GOLIM4: variants seen among roughly 807,000 people sequenced by gnomAD.
GOLIM4 encodes 130 kDa golgi-localized phosphoprotein.
In GOLIM4, 71 loss-of-function variants were observed where a neutral mutation model predicts 107.4. The ratio of observed to expected loss-of-function variants is 0.66; its 90% CI spans 0.55 to 0.81. The LOEUF (loss-of-function observed/expected upper bound fraction) is 0.81. Ranked by LOEUF, GOLIM4 falls within the 30% of genes least tolerant of loss-of-function variation. GOLIM4 has a pLI of 0.00. For missense variants in GOLIM4, 830 were observed against 826.1 expected (o/e 1.00, Z -0.06); for synonymous variants, 327 against 294.8 (o/e 1.11, Z -1.12).
chr3:168,012,294 G>A (rs1248161222), intron 14 of GOLIM4, among the ~76,000 whole-genome samples: 2 of 137,932 alleles, frequency 1.4e-5, no homozygotes, highest in East Asian at 1.9e-4. Flanking sequence ...TATCAGCGAT[G>A]GAAGATGAAA....
chr3:168,050,138 A>G (rs1211292208), intron 1 of GOLIM4, among the ~76,000 whole-genome samples: 2 of 152,060 alleles, frequency 1.3e-5, no homozygotes, highest in Non-Finnish European at 2.9e-5. Flanking sequence ...CCCCTGCATT[A>G]TTATTATAAA....
intron 5 of GOLIM4, among the ~76,000 whole-genome samples, chr3:168,042,212 T>C (rs1264215235): frequency 1.3e-5 from 2 of 152,128 alleles, no homozygotes; most frequent in Non-Finnish European, 1.5e-5. Context: ...TTAAAACCAA[T>C]TATCTCACTT....
rs1418827242 is a variant in GOLIM4 at position 168,032,647 on chromosome 3, T to C, written c.1049A>G (p.Gln350Arg). The change falls in exon 9 of 16, where the codon CAG (glutamine) becomes CGG (arginine). Residue 350 changes from glutamine (Q) to arginine (R), a missense_variant. Transcript: ENST00000470487. ...RKALEEEEMEQVGQAEHLEEE... is the reference protein window; with the variant it reads ...RKALEEEEMERVGQAEHLEEE... ...CTCAAGATGTTCTGCTTGCCCGACCTGCTCCATTTCTTCCTCCTCCAGGGC... is the reference window on the plus strand; with the variant it reads ...CTCAAGATGTTCTGCTTGCCCGACCCGCTCCATTTCTTCCTCCTCCAGGGC... 1.2e-6 allele frequency: 2 copies of C among 1,614,068 alleles called. No individual in the cohort carries two copies. The highest frequency in any genetic ancestry group is 4.5e-5 in the East Asian group (2 of 44,870).
chr3:168,018,652 A>G (rs1046514559), intron 14 of GOLIM4, among the ~76,000 whole-genome samples: 3 of 152,292 alleles, frequency 2.0e-5, no homozygotes, highest in Admixed American at 1.3e-4. Flanking sequence ...TCCACAGGAC[A>G]TTGGGATGAA....
chr3:168,032,584 TC>T lies in GOLIM4; in HGVS notation c.1111del (p.Glu371SerfsTer30). 6.2e-7 allele frequency: 1 copy of T among 1,614,042 alleles called. No individual in the cohort carries two copies. Among genetic ancestry groups the T allele is most frequent in the Non-Finnish European group, 8.5e-7 (1 of 1,179,996 alleles). On this transcript the variant is annotated frameshift_variant, in exon 9 of 16. Transcript: ENST00000470487. LOFTEE classifies it high-confidence loss of function. Reference sequence around the variant, plus strand: ...TCGTTGCTCATGCTGCTCTTTCCACTCCCGATCCTGCTCCTCTGGTGATGGA... The same window carrying T: ...TCGTTGCTCATGCTGCTCTTTCCACTCCGATCCTGCTCCTCTGGTGATGGA... The part of the protein sequence containing the change: ...HDPSPEEQDR[E>X]WKEQHEQREA...
Position 168,095,087 on chromosome 3 carries a change from C to G in GOLIM4, c.187+12G>C, listed in dbSNP as rs778000024. 21 of 1,587,684 alleles carry G rather than the reference C, an allele frequency of 1.3e-5. No homozygotes were observed. The highest frequency in any genetic ancestry group is 1.7e-5 in the Non-Finnish European group (20 of 1,160,994). On this transcript the variant is annotated intron_variant, in intron 1 of 15. Coordinates refer to ENST00000470487, the MANE Select transcript of GOLIM4 (RefSeq NM_014498.5). Reference sequence around the variant, plus strand: ...AGTTGGCCACCGGCTGCGCGCGTCCCGTTAGCCGTACCTTGTAACTGGGCG... The same window carrying G: ...AGTTGGCCACCGGCTGCGCGCGTCCGGTTAGCCGTACCTTGTAACTGGGCG...
intron 1 of GOLIM4, among the ~76,000 whole-genome samples, chr3:168,057,803 C>G (rs7653022): frequency 0.17 from 26,525 of 152,146 alleles, 2,530 homozygotes; most frequent in Middle Eastern, 0.23. Context: ...CCCTCACTAC[C>G]ACTTCAGTCT....
intron 1 of GOLIM4, among the ~76,000 whole-genome samples, chr3:168,070,512 C>T (rs989250390): frequency 1.3e-5 from 2 of 152,238 alleles, no homozygotes; most frequent in Admixed American, 6.5e-5. Flanking sequence ...GGTGTTCACA[C>T]TGTGGCATCA....
At chr3:168,037,396 A>G (rs957306087) in intron 7 of GOLIM4, among the ~76,000 whole-genome samples, 3 of 152,172 alleles carry the variant, frequency 2.0e-5, no homozygotes, top group Admixed American at 2.0e-4. Context: ...TATGATCTGA[A>G]TAAAATCTTT....
intron 1 of GOLIM4, among the ~76,000 whole-genome samples, chr3:168,081,711 A>G (rs1317143738): frequency 6.6e-6 from 1 of 152,178 alleles, no homozygotes; most frequent in East Asian, 1.9e-4. Context: ...ACACAGAGTT[A>G]TTACTCTGTA....
chr3:168,067,583 G>C (rs371242414), intron 1 of GOLIM4, among the ~76,000 whole-genome samples: 1 of 149,450 alleles, frequency 6.7e-6, no homozygotes, highest in Non-Finnish European at 1.5e-5. Context: ...ATAGAACGGC[G>C]TATTTTATTC....
At chr3:168,055,817 A>AAG (rs61165982) in intron 1 of GOLIM4, among the ~76,000 whole-genome samples, 1 of 151,384 alleles carries the variant, frequency 6.6e-6, no homozygotes, top group Non-Finnish European at 1.5e-5. Context: ...AAAAAAAAAA[A>AAG]GAGGTGACTC....
intron 14 of GOLIM4, among the ~76,000 whole-genome samples, chr3:168,021,678 AAAAAAC>A (rs1717695115): frequency 6.6e-6 from 1 of 151,210 alleles, no homozygotes; most frequent in Non-Finnish European, 1.5e-5. Context: ...AACAAAAAAC[AAAAAAC>A]AAAAAAAAAA....
At chr3:168,018,648 G>A (rs1717507381) in intron 14 of GOLIM4, among the ~76,000 whole-genome samples, 1 of 152,172 alleles carries the variant, frequency 6.6e-6, no homozygotes. Flanking sequence ...ACATTCCACA[G>A]GACATTGGGA....
chr3:168,031,334 C>T (rs186143128), intron 9 of GOLIM4, among the ~76,000 whole-genome samples: 1 of 152,178 alleles, frequency 6.6e-6, no homozygotes, highest in East Asian at 1.9e-4. Flanking sequence ...AATTTGAATG[C>T]TCCCAAAATA....
intron 1 of GOLIM4, among the ~76,000 whole-genome samples, chr3:168,076,396 T>G (rs189868219): frequency 6.6e-6 from 1 of 152,132 alleles, no homozygotes; most frequent in Non-Finnish European, 1.5e-5. Context: ...AATTAGTACC[T>G]AAAAAAATAA....
intron 1 of GOLIM4, among the ~76,000 whole-genome samples, chr3:168,069,976 T>G (rs1432615265): frequency 6.6e-6 from 1 of 152,078 alleles, no homozygotes; most frequent in African/African-American, 2.4e-5. Context: ...TACTCTAACT[T>G]GTTTTCCTAG....
intron 14 of GOLIM4, among the ~76,000 whole-genome samples, chr3:168,019,793 C>T (rs941065263): frequency 3.9e-5 from 6 of 152,166 alleles, no homozygotes; most frequent in Admixed American, 2.6e-4. Context: ...AGGAGGCACA[C>T]ACATTTATTT....
At chr3:168,037,781 G>GA (rs1718746642) in intron 7 of GOLIM4, among the ~76,000 whole-genome samples, 1 of 152,116 alleles carries the variant, frequency 6.6e-6, no homozygotes, top group Non-Finnish European at 1.5e-5. Flanking sequence ...TAGAAAATTA[G>GA]AAAAAAATCA....
Sources: gnomAD v4.1 joint callset for allele counts (sites outside exome capture counted in the v4.1 genomes callset) on GRCh38, gnomAD v4.1.1 for gene constraint, MANE v1.5 for transcripts, NCBI Gene and HGNC (gene_info 2026-07-23, HGNC 2026-07-21) for gene names.